SUMF1: variants seen among roughly 807,000 people sequenced by gnomAD.
The protein encoded by SUMF1 is formylglycine-generating enzyme.
SUMF1 carries 48 observed loss-of-function variants against 47.6 expected under a neutral mutation model. That is an observed-to-expected ratio of 1.01 (90% CI 0.80 to 1.28). SUMF1 has a LOEUF of 1.28. Ranked by LOEUF, SUMF1 falls within the 50% of genes most tolerant of loss-of-function variation. The pLI is 0.00. For synonymous variants in SUMF1, 230 were observed against 192.1 expected (o/e 1.20, Z -1.63); for missense variants, 571 against 485.4 (o/e 1.18, Z -1.66).
chr3:4,049,543 T>C (rs1322020321), intron 9 of SUMF1, among the ~76,000 whole-genome samples: 2 of 152,122 alleles, frequency 1.3e-5, no homozygotes, highest in Non-Finnish European at 2.9e-5. Flanking sequence ...CAGTAACCAC[T>C]GCTCCTCAAA....
In SUMF1 at chr3:4,400,799, C is replaced by G. The variant is rs2124971114; in HGVS notation, c.954+10066G>C. ...AAGATAGCAGAGCTGGGATGTGGACCTAGATGGAAATCATTTTATTTTATT... is the reference window on the plus strand; with the variant it reads ...AAGATAGCAGAGCTGGGATGTGGACGTAGATGGAAATCATTTTATTTTATT... On this transcript the variant is annotated intron_variant, in intron 7 of 8. Transcript: ENST00000272902. Among the ~76,000 whole-genome samples the G allele has an allele frequency of 2.0e-5, 3 of 152,262 alleles. No homozygotes were observed. The South Asian group carries it at 6.2e-4, about 32-fold the overall frequency.
intron 8 of SUMF1, among the ~76,000 whole-genome samples, chr3:4,196,486 G>A (rs536525979): frequency 7.0e-4 from 106 of 152,132 alleles, no homozygotes; most frequent in South Asian, 3.5e-3. Context: ...CATCCTCTCC[G>A]AAGCCAGCCA....
At chr3:4,261,630 G>A (rs114824178) in intron 8 of SUMF1, among the ~76,000 whole-genome samples, 2 of 152,288 alleles carry the variant, frequency 1.3e-5, no homozygotes, top group African/African-American at 2.4e-5. Context: ...TATGCCTGCC[G>A]AGATCATGAT....
At chr3:4,396,788 G>C (rs1200616889) in intron 7 of SUMF1, among the ~76,000 whole-genome samples, 2 of 152,188 alleles carry the variant, frequency 1.3e-5, no homozygotes, top group Non-Finnish European at 2.9e-5. Flanking sequence ...AGGAAGGAGA[G>C]AGAGTAGAAA....
At chr3:4,230,184 C>G (rs73120101) in intron 8 of SUMF1, among the ~76,000 whole-genome samples, 1,700 of 152,098 alleles carry the variant, frequency 0.011, 36 homozygotes, top group African/African-American at 0.039. Context: ...TTACAGCAAC[C>G]AATTCTCCAA....
chr3:4,400,987 C>G (rs1014530291), intron 7 of SUMF1, among the ~76,000 whole-genome samples: 3 of 132,132 alleles, frequency 2.3e-5, no homozygotes, highest in Non-Finnish European at 3.1e-5. Flanking sequence ...ACAACAGGCC[C>G]TGGTGTGTGA....
At chr3:4,120,867 T>A (rs1693525290) in intron 8 of SUMF1, among the ~76,000 whole-genome samples, 2 of 152,206 alleles carry the variant, frequency 1.3e-5, no homozygotes, top group Non-Finnish European at 2.9e-5. Flanking sequence ...TGTATGACCA[T>A]GGCAAACTGC....
chr3:4,289,424 G>A (rs553325078), intron 8 of SUMF1, among the ~76,000 whole-genome samples: 1 of 152,328 alleles, frequency 6.6e-6, no homozygotes, highest in Non-Finnish European at 1.5e-5. Context: ...CACTGGGCCA[G>A]TGTGGTGTAA....
rs1382696264 is a variant in SUMF1, at chr3:4,296,118, T to TA, written c.1014+80211_1014+80212insT. 6.0e-4 allele frequency among the ~76,000 whole-genome samples: 90 copies of TA among 150,262 alleles called. 5 individuals are homozygous for TA. Among genetic ancestry groups the TA allele is most frequent in the South Asian group, 4.4e-3 (21 of 4,762 alleles). ...AAATGACCCATATGCCTTTGCTTTT[T>TA]TAAAAAAAAAACAATACTGGGTATG... On this transcript the variant is annotated intron_variant and NMD_transcript_variant, in intron 8 of 12. Coordinates refer to the SUMF1 transcript ENST00000448413.
chr3:4,123,024 G>T (rs1165514020), intron 8 of SUMF1, among the ~76,000 whole-genome samples: 1 of 152,058 alleles, frequency 6.6e-6, no homozygotes, highest in African/African-American at 2.4e-5. Flanking sequence ...TATACTTTAG[G>T]TAAGACAGAA....
chr3:4,257,746 A>T (rs1357116431), intron 8 of SUMF1, among the ~76,000 whole-genome samples: 1 of 151,972 alleles, frequency 6.6e-6, no homozygotes, highest in Non-Finnish European at 1.5e-5. Flanking sequence ...TTCTTCACAG[A>T]ATTGGAAAAA....
At chr3:4,426,564 TAACAA>T (rs939788004) in intron 3 of SUMF1, among the ~76,000 whole-genome samples, 2 of 152,200 alleles carry the variant, frequency 1.3e-5, no homozygotes. Context: ...TTTAGGAACT[TAACAA>T]AACAAACAAC....
intron 8 of SUMF1, chr3:4,314,084 A>G: frequency 4.6e-6 from 2 of 435,422 alleles, no homozygotes; most frequent in Non-Finnish European, 8.2e-6. Context: ...GAATGTATAC[A>G]TGATGACTGG....
chr3:4,145,483 T>G (rs896211875), intron 8 of SUMF1, among the ~76,000 whole-genome samples: 1 of 152,142 alleles, frequency 6.6e-6, no homozygotes, highest in Admixed American at 6.5e-5. Flanking sequence ...ATCTTGTCCC[T>G]CTTGTTCTGG....
At chr3:4,067,618 T>C (rs188195303) in intron 9 of SUMF1, among the ~76,000 whole-genome samples, 51 of 152,220 alleles carry the variant, frequency 3.4e-4, no homozygotes, top group African/African-American at 1.2e-3. Context: ...AATGGGCAGC[T>C]CATCCACCTG....
At chr3:4,331,040 A>G (rs903259220) in intron 8 of SUMF1, among the ~76,000 whole-genome samples, 1 of 152,150 alleles carries the variant, frequency 6.6e-6, no homozygotes, top group Admixed American at 6.5e-5. Context: ...AATCATTTTA[A>G]ATTTTAGACA....
intron 8 of SUMF1, among the ~76,000 whole-genome samples, chr3:4,175,598 A>C (rs1009076789): frequency 6.6e-6 from 1 of 152,220 alleles, no homozygotes; most frequent in Non-Finnish European, 1.5e-5. Flanking sequence ...CACAGCAGAA[A>C]AGCTCAAAAT....
intron 8 of SUMF1, among the ~76,000 whole-genome samples, chr3:4,193,274 C>A (rs1695358874): frequency 7.3e-6 from 1 of 136,988 alleles, no homozygotes; most frequent in Non-Finnish European, 1.6e-5. Flanking sequence ...ATCCAAAACC[C>A]TCCCAGCCAT....
intron 1 of SUMF1, 44 bp from the exon 2 acceptor site, chr3:4,453,093 AG>A (rs1703029614): frequency 6.3e-7 from 1 of 1,582,444 alleles, no homozygotes; most frequent in Non-Finnish European, 8.6e-7. Flanking sequence ...ATCACAGCCA[AG>A]GTGTACCTGT....
Sources: gnomAD v4.1 joint callset for allele counts (sites outside exome capture counted in the v4.1 genomes callset) on GRCh38, gnomAD v4.1.1 for gene constraint, MANE v1.5 for transcripts, NCBI Gene and HGNC (gene_info 2026-07-23, HGNC 2026-07-21) for gene names.